The following GRK5 variants were observed in gnomAD, a reference collection of about 807,000 sequenced individuals.
GRK5 encodes G protein-coupled receptor kinase 5.
In GRK5, 40 loss-of-function variants were observed where a neutral mutation model predicts 78.4. That is an observed-to-expected ratio of 0.51 (90% confidence interval 0.40 to 0.66). GRK5 has a LOEUF of 0.66. GRK5 is among the 30% of genes least tolerant of loss of function. GRK5 has a pLI of 0.00. For missense variants in GRK5, 598 were observed against 759.9 expected (o/e 0.79, Z 2.50); for synonymous variants, 289 against 296.8 (o/e 0.97, Z 0.27).
intron 3 of GRK5, among the ~76,000 whole-genome samples, chr10:119,386,537 T>G (rs766176069): frequency 2.6e-5 from 4 of 152,178 alleles, no homozygotes; most frequent in Non-Finnish European, 5.9e-5. Flanking sequence ...CAAGAGCTGT[T>G]TTTTGGAAAG....
At chr10:119,407,045 C>A (rs1456077096) in intron 4 of GRK5, among the ~76,000 whole-genome samples, 1 of 152,210 alleles carries the variant, frequency 6.6e-6, no homozygotes, top group East Asian at 1.9e-4. Flanking sequence ...CAGTTCTGGG[C>A]CCCGCACGCA....
At chr10:119,314,601 A>T (rs748943662) in intron 1 of GRK5, among the ~76,000 whole-genome samples, 10 of 152,186 alleles carry the variant, frequency 6.6e-5, no homozygotes, top group Non-Finnish European at 1.0e-4. Context: ...AAAGCTCCTG[A>T]TGCTTCCTGC....
intron 1 of GRK5, among the ~76,000 whole-genome samples, chr10:119,223,850 G>C (rs376713259): frequency 6.6e-6 from 1 of 151,800 alleles, no homozygotes; most frequent in African/African-American, 2.4e-5. Context: ...AACCCAAGTC[G>C]GCCTGTGGAG....
chr10:119,283,533 T>A (rs1849797230), intron 1 of GRK5, among the ~76,000 whole-genome samples: 1 of 152,240 alleles, frequency 6.6e-6, no homozygotes, highest in Non-Finnish European at 1.5e-5. Context: ...CAGGAACGCC[T>A]GCCCGTGCCC....
intron 1 of GRK5, among the ~76,000 whole-genome samples, chr10:119,307,591 A>G (rs1437515065): frequency 6.6e-6 from 1 of 152,188 alleles, no homozygotes; most frequent in Non-Finnish European, 1.5e-5. Context: ...TGGAGTCTCC[A>G]GAAGGCACAC....
chr10:119,403,622 T>G (rs1054988068), intron 4 of GRK5, among the ~76,000 whole-genome samples: 1 of 152,156 alleles, frequency 6.6e-6, no homozygotes, highest in Non-Finnish European at 1.5e-5. Context: ...TTGTGTTATT[T>G]CTACCTTTTT....
intron 10 of GRK5, among the ~76,000 whole-genome samples, chr10:119,440,653 T>C (rs4752310): frequency 1 from 150,092 of 150,754 alleles, 74,717 homozygotes; most frequent in Middle Eastern, 1. Flanking sequence ...CAAGTTCAAG[T>C]GATTCTGCTG....
At chr10:119,433,830 T>C (rs1852868612) in intron 8 of GRK5, among the ~76,000 whole-genome samples, 1 of 152,160 alleles carries the variant, frequency 6.6e-6, no homozygotes. Flanking sequence ...CTAGACCCCC[T>C]CTCTTGGTGG....
chr10:119,455,256 C>T lies in GRK5; in HGVS notation c.*189C>T. Reference sequence around the variant, plus strand: ...AGAAATTTCCACTCAGGTCTGTTTTCCGAGGCGGCCCCGGCCGGGGTGGAT... The same window carrying T: ...AGAAATTTCCACTCAGGTCTGTTTTTCGAGGCGGCCCCGGCCGGGGTGGAT... On this transcript the variant is annotated 3_prime_UTR_variant, in exon 16 of 16. Transcript: ENST00000392870. 1 of 702,338 alleles carries T rather than the reference C, an allele frequency of 1.4e-6. No homozygotes were observed. The highest frequency in any genetic ancestry group is 2.6e-6 in the Non-Finnish European group (1 of 385,478). The allele number at this position is 702,338 out of a possible 1,614,324, so 43.5% of individuals were successfully genotyped here. A position where few individuals can be genotyped will look rare whatever the true frequency, so the allele number is the denominator to read the frequency against.
intron 1 of GRK5, among the ~76,000 whole-genome samples, chr10:119,282,204 C>G (rs1253171589): frequency 6.6e-6 from 1 of 152,180 alleles, no homozygotes; most frequent in Non-Finnish European, 1.5e-5. Flanking sequence ...TTTTGGGGCC[C>G]TAAATTACTT....
At chr10:119,387,923 G>A (rs1299410520) in intron 3 of GRK5, among the ~76,000 whole-genome samples, 1 of 149,212 alleles carries the variant, frequency 6.7e-6, no homozygotes, top group African/African-American at 2.5e-5. Context: ...CTTGCTTTCT[G>A]GTTAAATGAA....
At chr10:119,335,699 T>TA (rs1246914782) in intron 2 of GRK5, among the ~76,000 whole-genome samples, 1 of 152,230 alleles carries the variant, frequency 6.6e-6, no homozygotes, top group Non-Finnish European at 1.5e-5. Context: ...GGCTAACAGA[T>TA]ACTTGTTAAG....
chr10:119,363,553 GT>G (rs2133812477), intron 2 of GRK5, among the ~76,000 whole-genome samples: 1 of 152,324 alleles, frequency 6.6e-6, no homozygotes, highest in South Asian at 2.1e-4. Flanking sequence ...CAGTGCTGGG[GT>G]TGGGGTCTAC....
chr10:119,389,188 G>A (rs1851846783), intron 3 of GRK5, among the ~76,000 whole-genome samples: 1 of 152,224 alleles, frequency 6.6e-6, no homozygotes, highest in African/African-American at 2.4e-5. Context: ...ATTCCTATCT[G>A]CTAAGTAGCC....
chr10:119,422,180 G>T (rs1472820955), intron 4 of GRK5, among the ~76,000 whole-genome samples: 1 of 152,240 alleles, frequency 6.6e-6, no homozygotes, highest in East Asian at 1.9e-4. Flanking sequence ...AGCTGGCAGA[G>T]GGTGAATGGT....
At chr10:119,309,361 G>C (rs995593719) in intron 1 of GRK5, among the ~76,000 whole-genome samples, 2 of 152,220 alleles carry the variant, frequency 1.3e-5, no homozygotes, top group African/African-American at 4.8e-5. Context: ...GAAGAACTCT[G>C]GGGGAGGCAG....
chr10:119,448,014 G>A, intron 12 of GRK5, 109 bp from the exon 13 acceptor site: 3 of 1,319,810 alleles, frequency 2.3e-6, no homozygotes, highest in Non-Finnish European at 3.0e-6. Context: ...TTGCAGGGTG[G>A]GGCAGCGTGT....
intron 2 of GRK5, among the ~76,000 whole-genome samples, chr10:119,352,019 C>G (rs1337068797): frequency 6.6e-6 from 1 of 152,102 alleles, no homozygotes; most frequent in Non-Finnish European, 1.5e-5. Context: ...GGAAAGCTTC[C>G]TAGGGGAGGT....
At chr10:119,233,132 C>T (rs1848858526) in intron 1 of GRK5, among the ~76,000 whole-genome samples, 1 of 152,170 alleles carries the variant, frequency 6.6e-6, no homozygotes, top group Non-Finnish European at 1.5e-5. Context: ...GAGGCAAGCA[C>T]CTGGCAGTAG....
Sources: allele counts gnomAD v4.1 joint callset (sites outside exome capture counted in the v4.1 genomes callset), GRCh38; gene constraint gnomAD v4.1.1; transcripts MANE v1.5; gene names NCBI Gene and HGNC (gene_info 2026-07-23, HGNC 2026-07-21).